XXYLT1: variants seen among roughly 807,000 people sequenced by gnomAD.
The protein encoded by XXYLT1 is UDP-xylose:alpha-xyloside alpha-1,3-xylosyltransferase.
Under a neutral mutation model 28.9 loss-of-function variants are expected in XXYLT1, and 20 were observed. The observed-to-expected ratio is 0.69, with a 90% CI of 0.49 to 1.00. XXYLT1 has a LOEUF of 1.00. XXYLT1 is among the 50% of genes least tolerant of loss of function. XXYLT1 has a pLI of 0.00. For missense variants in XXYLT1, 542 were observed against 560.1 expected, an observed-to-expected ratio of 0.97 and a Z score of 0.33; for synonymous variants, 257 against 253.8, an observed-to-expected ratio of 1.01 and a Z score of -0.12.
At chr3:195,151,614 AAAC>A (rs1415419388) in intron 3 of XXYLT1, among the ~76,000 whole-genome samples, 2 of 152,134 alleles carry the variant, frequency 1.3e-5, no homozygotes, top group South Asian at 2.1e-4. Flanking sequence ...TTGTTTAGAT[AAAC>A]AATAAACAAT....
chr3:195,132,241 T>A (rs574903440), intron 3 of XXYLT1, among the ~76,000 whole-genome samples: 3 of 152,234 alleles, frequency 2.0e-5, no homozygotes, highest in Non-Finnish European at 4.4e-5. Flanking sequence ...ATTGGCTTTA[T>A]GGAGTTGGGA....
intron 2 of XXYLT1, among the ~76,000 whole-genome samples, chr3:195,194,028 C>T (rs1019375853): frequency 6.6e-6 from 1 of 151,886 alleles, no homozygotes; most frequent in East Asian, 1.9e-4. Context: ...CACAAAAAGC[C>T]CTATCCATAC....
rs115967082 is a variant in XXYLT1 at position 195,140,725 on chromosome 3, T to A, written c.785+15724A>T. 7.6e-3 allele frequency among the ~76,000 whole-genome samples: 1,149 copies of A among 152,092 alleles called. 17 individuals carry two copies. Among genetic ancestry groups the A allele is most frequent in the African/African-American group, 0.026 (1,083 of 41,466 alleles). ...CACTACACACTTTTAAACAACTGGA[T>A]CTCATGAGGACTCATTCACTATCAC... On this transcript the variant is annotated intron_variant, in intron 3 of 3. Transcript: ENST00000310380.
chr3:195,069,135 C>T lies in XXYLT1; in HGVS notation c.*580G>A, dbSNP rs1233707447. The stretch of plus-strand genomic sequence containing the variant: ...TGAAGTCCTTCCTCAAAGAGGCGAT[C>T]CTGAAACCTACACCAAGTGACGTGA... On this transcript the variant is annotated 3_prime_UTR_variant, in exon 4 of 4. Coordinates refer to ENST00000310380, the MANE Select transcript of XXYLT1 (RefSeq NM_152531.5). 1 of 152,662 alleles carries T rather than the reference C, an allele frequency of 6.6e-6. No homozygotes were observed. The highest frequency in any genetic ancestry group is 1.5e-5 in the Non-Finnish European group (1 of 68,448). The allele number at this position is 152,662 out of a possible 1,614,324, so 9.5% of individuals were successfully genotyped here. A position where few individuals can be genotyped will look rare whatever the true frequency, so the allele number is the denominator to read the frequency against.
chr3:195,145,571 G>T (rs1396937319), intron 3 of XXYLT1, among the ~76,000 whole-genome samples: 4 of 129,538 alleles, frequency 3.1e-5, no homozygotes, highest in African/African-American at 3.5e-5. Context: ...ACTCCACGGT[G>T]ACCGGCATTG....
intron 2 of XXYLT1, among the ~76,000 whole-genome samples, chr3:195,196,657 A>G (rs983935966): frequency 6.6e-6 from 1 of 152,228 alleles, no homozygotes; most frequent in African/African-American, 2.4e-5. Flanking sequence ...ATCTGAAAAA[A>G]TAACCTGCCT....
rs201855059 is a variant in XXYLT1 at position 195,116,953 on chromosome 3, G to GT, written c.785+39495dup. ...AAATGAAACAAAGTAACAATGAAGT[G>GT]TTACTGCCCACCCATCAGCCCAGCC... is the stretch of plus-strand genomic sequence containing the variant. On this transcript the variant is annotated intron_variant, in intron 3 of 3. Coordinates refer to ENST00000310380, the MANE Select transcript of XXYLT1 (RefSeq NM_152531.5). 3.0e-3 allele frequency among the ~76,000 whole-genome samples: 457 copies of GT among 152,186 alleles called. 2 individuals carry two copies. Among genetic ancestry groups the GT allele is most frequent in the African/African-American group, 0.011 (437 of 41,510 alleles).
intron 3 of XXYLT1, among the ~76,000 whole-genome samples, chr3:195,119,744 G>A (rs867753001): frequency 1.3e-5 from 2 of 152,114 alleles, no homozygotes; most frequent in South Asian, 2.1e-4. Flanking sequence ...TGTTCCATAC[G>A]GCACAAACAT....
At chr3:195,171,134 CCT>C (rs1462748451) in intron 2 of XXYLT1, among the ~76,000 whole-genome samples, 6 of 152,212 alleles carry the variant, frequency 3.9e-5, no homozygotes, top group Admixed American at 3.3e-4. Flanking sequence ...AACGGGCTTC[CCT>C]CTGAGTTAAC....
At chr3:195,109,659 G>T (rs1318253646) in intron 3 of XXYLT1, among the ~76,000 whole-genome samples, 2 of 136,542 alleles carry the variant, frequency 1.5e-5, no homozygotes, top group African/African-American at 5.5e-5. Flanking sequence ...GTATGTGTGC[G>T]TGTGTGTGGT....
At chr3:195,269,380 T>C (rs71317954) in intron 1 of XXYLT1, among the ~76,000 whole-genome samples, 2,487 of 152,340 alleles carry the variant, frequency 0.016, 36 homozygotes, top group Middle Eastern at 0.024. Context: ...GTCTAGGGAC[T>C]TTCTCAGGAG....
chr3:195,073,118 G>A (rs1333110361), intron 3 of XXYLT1, among the ~76,000 whole-genome samples: 1 of 152,218 alleles, frequency 6.6e-6, no homozygotes, highest in Non-Finnish European at 1.5e-5. Context: ...GTCGCAGGCA[G>A]GGCTTCTGAT....
intron 2 of XXYLT1, among the ~76,000 whole-genome samples, chr3:195,208,234 T>G (rs1295112667): frequency 2.0e-5 from 3 of 152,196 alleles, no homozygotes; most frequent in Non-Finnish European, 2.9e-5. Context: ...TGTACATTTA[T>G]GTAAATGTCC....
intron 2 of XXYLT1, among the ~76,000 whole-genome samples, chr3:195,225,251 T>A (rs1723999380): frequency 6.6e-6 from 1 of 152,130 alleles, no homozygotes; most frequent in Non-Finnish European, 1.5e-5. Flanking sequence ...CCTCTCTTCT[T>A]CAGACTCCTG....
chr3:195,074,979 C>T (rs931296890), intron 3 of XXYLT1, among the ~76,000 whole-genome samples: 12 of 152,284 alleles, frequency 7.9e-5, no homozygotes, highest in African/African-American at 2.6e-4. Flanking sequence ...AGGCCGGGAG[C>T]GGTGGCTCGC....
intron 3 of XXYLT1, among the ~76,000 whole-genome samples, chr3:195,154,882 C>T (rs1413567097): frequency 2.0e-5 from 3 of 152,202 alleles, no homozygotes; most frequent in African/African-American, 4.8e-5. Flanking sequence ...GAGGGTGCTA[C>T]GGACCCATAT....
At chr3:195,110,660 T>G (rs1350774250) in intron 3 of XXYLT1, among the ~76,000 whole-genome samples, 2 of 92,620 alleles carry the variant, frequency 2.2e-5, no homozygotes, top group Non-Finnish European at 4.9e-5. Context: ...GTGTGGTGTG[T>G]TGTGTGTGGT....
intron 3 of XXYLT1, chr3:195,093,763 C>A (rs1716252430): frequency 6.6e-6 from 1 of 152,148 alleles, no homozygotes; most frequent in Admixed American, 6.5e-5. Context: ...TAATTAGACT[C>A]CTCCGAAAAT....
chr3:195,269,267 T>G (rs1022353397), intron 1 of XXYLT1, among the ~76,000 whole-genome samples: 1 of 152,194 alleles, frequency 6.6e-6, no homozygotes, highest in Admixed American at 6.5e-5. Context: ...CTCAGTTTTC[T>G]ACCGTGAACT....
Sources: allele counts gnomAD v4.1 joint callset (sites outside exome capture counted in the v4.1 genomes callset), GRCh38; gene constraint gnomAD v4.1.1; transcripts MANE v1.5; gene names NCBI Gene and HGNC (gene_info 2026-07-23, HGNC 2026-07-21).